CCDC171: variants seen among roughly 807,000 people sequenced by gnomAD.
CCDC171 encodes coiled-coil domain-containing protein 171.
Under a neutral mutation model 168.2 loss-of-function variants are expected in CCDC171, and 177 were observed. That is an observed-to-expected ratio of 1.05 (90% CI 0.93 to 1.19). The LOEUF (loss-of-function observed/expected upper bound fraction) is 1.19, where lower values mean the gene tolerates loss of function less well. CCDC171 is among the 50% of genes most tolerant of loss of function. CCDC171 has a pLI of 0.00. For missense variants in CCDC171, 1,991 were observed against 1,539.0 expected, an observed-to-expected ratio of 1.29 and a Z score of -4.91; for synonymous variants, 687 against 540.8, an observed-to-expected ratio of 1.27 and a Z score of -3.75.
chr9:15,820,612 C>G lies in CCDC171; in HGVS notation c.3268-26090C>G. On this transcript the variant is annotated intron_variant, in intron 21 of 25. Transcript: ENST00000380701. The stretch of plus-strand genomic sequence containing the variant: ...GAAGAAATGGATAAATTCCTCGACA[C>G]ATACACCCTCCTAAGACTAAACCAG... 1.7e-5 allele frequency among the ~76,000 whole-genome samples: 2 copies of G among 117,580 alleles called. 1 individual carries two copies. The highest frequency in any genetic ancestry group is 3.8e-5 in the Non-Finnish European group (2 of 52,392). 77.1% of individuals were successfully genotyped at this position (117,580 alleles called of 152,430 possible). A position where few individuals can be genotyped will look rare whatever the true frequency, so the allele number is the denominator to read the frequency against.
At chr9:15,763,349 A>G (rs1351231851) in intron 18 of CCDC171, among the ~76,000 whole-genome samples, 3 of 152,140 alleles carry the variant, frequency 2.0e-5, no homozygotes, top group Non-Finnish European at 4.4e-5. Flanking sequence ...CATGCTCCAC[A>G]TTGTTGACCT....
intron 24 of CCDC171, among the ~76,000 whole-genome samples, chr9:15,905,101 T>C (rs1371713028): frequency 1.3e-5 from 2 of 152,108 alleles, no homozygotes; most frequent in African/African-American, 4.8e-5. Flanking sequence ...CTGTCAACAT[T>C]AGACAGATCA....
chr9:15,871,230 A>G (rs926646158), intron 23 of CCDC171, among the ~76,000 whole-genome samples: 14 of 151,874 alleles, frequency 9.2e-5, no homozygotes, highest in East Asian at 3.9e-4. Flanking sequence ...GGGAAATTCT[A>G]TATGTTAAAA....
chr9:16,036,236 G>A (rs1833464650), intron 8 of CCDC171: 1 of 152,214 alleles, frequency 6.6e-6, no homozygotes, highest in African/African-American at 2.4e-5. Context: ...TACATTAGTT[G>A]TCTTGGGAAC....
intron 8 of CCDC171, among the ~76,000 whole-genome samples, chr9:15,664,363 C>T (rs1262806299): frequency 6.6e-6 from 1 of 152,132 alleles, no homozygotes; most frequent in Non-Finnish European, 1.5e-5. Context: ...ATCTGCCCGC[C>T]TCTGTCCCCC....
chr9:16,066,811 A>G, the CCDC171 span, among the ~76,000 whole-genome samples: 1 of 137,928 alleles, frequency 7.3e-6, no homozygotes, highest in Non-Finnish European at 1.6e-5. Context: ...TTATGGCTGC[A>G]TAGTATTCCA....
At chr9:15,688,099 A>C (rs1326780577) in intron 10 of CCDC171, among the ~76,000 whole-genome samples, 4 of 134,410 alleles carry the variant, frequency 3.0e-5, no homozygotes, top group Admixed American at 1.7e-4. Flanking sequence ...AGCCTGGGCA[A>C]CAGAGCAAGA....
intron 10 of CCDC171, among the ~76,000 whole-genome samples, chr9:15,689,088 A>T (rs1445035330): frequency 6.6e-6 from 1 of 152,226 alleles, no homozygotes; most frequent in Non-Finnish European, 1.5e-5. Flanking sequence ...TCCAAAAATA[A>T]AATTAAGGAA....
At chr9:15,653,988 T>C (rs1398930059) in intron 7 of CCDC171, among the ~76,000 whole-genome samples, 1 of 152,146 alleles carries the variant, frequency 6.6e-6, no homozygotes, top group East Asian at 1.9e-4. Flanking sequence ...GATATCCAAA[T>C]GTCCTCATTT....
chr9:15,785,657 A>T (rs1223244832), intron 21 of CCDC171, among the ~76,000 whole-genome samples: 2 of 152,044 alleles, frequency 1.3e-5, no homozygotes, highest in Admixed American at 6.6e-5. Flanking sequence ...ACTGTATGGG[A>T]TTATTCCTGT....
At chr9:15,795,447 A>G (rs566915280) in intron 21 of CCDC171, among the ~76,000 whole-genome samples, 1 of 152,242 alleles carries the variant, frequency 6.6e-6, no homozygotes, top group South Asian at 2.1e-4. Flanking sequence ...TAGAAAAAAT[A>G]TAACATGAAT....
chr9:15,562,330 C>T (rs926109572), intron 1 of CCDC171, among the ~76,000 whole-genome samples: 2 of 152,062 alleles, frequency 1.3e-5, no homozygotes, highest in Non-Finnish European at 2.9e-5. Flanking sequence ...AGGAGATTGT[C>T]ATTCAGTCTG....
chr9:15,911,334 T>C (rs1026261189), intron 24 of CCDC171, among the ~76,000 whole-genome samples: 6 of 152,248 alleles, frequency 3.9e-5, no homozygotes, highest in African/African-American at 1.4e-4. Context: ...GTTGGCCATA[T>C]AAATGTCTTC....
intron 24 of CCDC171, among the ~76,000 whole-genome samples, chr9:15,907,885 C>G (rs1255130693): frequency 6.6e-6 from 1 of 152,198 alleles, no homozygotes; most frequent in Non-Finnish European, 1.5e-5. Context: ...ACTTATGCAG[C>G]CAACAGACAC....
At position 15,997,886 on chromosome 9, in the gene CCDC171, T is replaced by A. The variant is rs1023860358; in HGVS notation, n.369-22703T>A. On this transcript the variant is annotated intron_variant and non_coding_transcript_variant, in intron 3 of 9. Coordinates refer to the CCDC171 transcript ENST00000486641. The stretch of plus-strand genomic sequence containing the variant: ...CTTCCCTTGCATATTTACCCCACAG[T>A]GGAACAGAATCTCTACCTCCCTCTG... 2.0e-5 allele frequency among the ~76,000 whole-genome samples: 3 copies of A among 152,080 alleles called. No homozygotes were observed. In the South Asian group the frequency reaches 6.2e-4, roughly 32 times the overall value.
At chr9:15,606,699 G>C (rs977312457) in intron 6 of CCDC171, among the ~76,000 whole-genome samples, 1 of 152,124 alleles carries the variant, frequency 6.6e-6, no homozygotes, top group African/African-American at 2.4e-5. Context: ...TATATATAAA[G>C]AATTATACTT....
At chr9:15,820,059 G>T (rs191532067) in intron 21 of CCDC171, among the ~76,000 whole-genome samples, 5,040 of 117,012 alleles carry the variant, frequency 0.043, 1,581 homozygotes, top group African/African-American at 0.15. Context: ...CTCAACTACA[G>T]GGAAACTGAA....
chr9:16,006,408 A>C (rs181372592), intron 3 of CCDC171, among the ~76,000 whole-genome samples: 1 of 152,142 alleles, frequency 6.6e-6, no homozygotes, highest in Non-Finnish European at 1.5e-5. Flanking sequence ...AGAAATGACT[A>C]TGCAGATTCT....
At chr9:15,807,760 C>T (rs1405760019) in intron 21 of CCDC171, among the ~76,000 whole-genome samples, 2 of 151,660 alleles carry the variant, frequency 1.3e-5, no homozygotes. Context: ...TCTTCCTCTC[C>T]AGAACTCTGT....
Sources: gnomAD v4.1 joint callset for allele counts (sites outside exome capture counted in the v4.1 genomes callset) on GRCh38, gnomAD v4.1.1 for gene constraint, MANE v1.5 for transcripts, NCBI Gene and HGNC (gene_info 2026-07-23, HGNC 2026-07-21) for gene names.